The following GAS2 variants were observed in gnomAD, a reference collection of about 807,000 sequenced individuals.
GAS2 encodes the protein growth arrest specific 2.
Under a neutral mutation model 37.5 loss-of-function variants are expected in GAS2, and 20 were observed. The ratio of observed to expected loss-of-function variants is 0.53; its 90% CI spans 0.37 to 0.77. The LOEUF (loss-of-function observed/expected upper bound fraction) is 0.77. Ranked by LOEUF, GAS2 falls within the 30% of genes least tolerant of loss-of-function variation. GAS2 has a pLI of 0.00. For synonymous variants in GAS2, 144 were observed against 132.2 expected (o/e 1.09, Z -0.61); for missense variants, 336 against 373.4 (o/e 0.90, Z 0.82).
intron 4 of GAS2, among the ~76,000 whole-genome samples, chr11:22,732,770 TATCATCATCATCATC>T (rs35919121): frequency 2.1e-5 from 3 of 145,936 alleles, no homozygotes; most frequent in African/African-American, 2.6e-5. Flanking sequence ...CCCCTCCATT[TATCATCATCATCATC>T]ATCATCATCA....
intron 4 of GAS2, chr11:22,731,418 A>G (rs899490508): frequency 4.9e-6 from 2 of 405,680 alleles, no homozygotes; most frequent in Middle Eastern, 3.5e-4. Context: ...GCGGTGTAGC[A>G]TGCAAATGTG....
At chr11:22,634,105 G>A (rs1011709003) in intron 1 of GAS2, among the ~76,000 whole-genome samples, 1 of 152,170 alleles carries the variant, frequency 6.6e-6, no homozygotes, top group African/African-American at 2.4e-5. Context: ...CCACGTGGCT[G>A]GGGAGGCCTC....
At chr11:22,661,696 G>A (rs1178797226), upstream of GAS2, among the ~76,000 whole-genome samples, 1 of 152,096 alleles carries the variant, frequency 6.6e-6, no homozygotes, top group Non-Finnish European at 1.5e-5. Flanking sequence ...GAGGTGTAAC[G>A]GTATAAGATG....
chr11:22,732,344 C>G (rs541343449), intron 4 of GAS2, among the ~76,000 whole-genome samples: 5 of 151,682 alleles, frequency 3.3e-5, no homozygotes, highest in African/African-American at 1.2e-4. Context: ...GAAATTCATT[C>G]AATTCTGTAG....
intron 1 of GAS2, among the ~76,000 whole-genome samples, chr11:22,642,917 G>T (rs1848647508): frequency 6.6e-6 from 1 of 152,130 alleles, no homozygotes; most frequent in Non-Finnish European, 1.5e-5. Context: ...ACCAACATCT[G>T]CGTAGCATTT....
intron 7 of GAS2, among the ~76,000 whole-genome samples, chr11:22,809,632 C>T (rs928007036): frequency 6.6e-5 from 10 of 151,108 alleles, no homozygotes; most frequent in African/African-American, 1.5e-4. Context: ...AGACTACAGG[C>T]GCCTGCCACC....
At chr11:22,771,250 G>C (rs1350593590) in intron 7 of GAS2, among the ~76,000 whole-genome samples, 2 of 152,092 alleles carry the variant, frequency 1.3e-5, no homozygotes, top group Non-Finnish European at 2.9e-5. Context: ...TGTGCTCCAG[G>C]AATGTTGAGC....
intron 7 of GAS2, among the ~76,000 whole-genome samples, chr11:22,765,537 T>G (rs886921971): frequency 8.5e-5 from 13 of 152,158 alleles, no homozygotes; most frequent in African/African-American, 3.1e-4. Flanking sequence ...CCCAGCACTT[T>G]GGGAGGCCAA....
chr11:22,648,084 T>C (rs1426232995), intron 1 of GAS2, among the ~76,000 whole-genome samples: 2 of 152,230 alleles, frequency 1.3e-5, no homozygotes, highest in Admixed American at 1.3e-4. Context: ...TCAATCCATC[T>C]TGAATTGATT....
chr11:22,767,349 AG>A (rs1233087247), intron 7 of GAS2, among the ~76,000 whole-genome samples: 1 of 152,066 alleles, frequency 6.6e-6, no homozygotes, highest in East Asian at 1.9e-4. Context: ...TTCCTTTTGA[AG>A]TTTTTTTTTA....
chr11:22,645,624 ATATTCT>A (rs1291190414), intron 1 of GAS2, among the ~76,000 whole-genome samples: 1 of 152,048 alleles, frequency 6.6e-6, no homozygotes, highest in Non-Finnish European at 1.5e-5. Context: ...GTTCTAAATA[ATATTCT>A]TATTAAAATA....
intron 7 of GAS2, among the ~76,000 whole-genome samples, chr11:22,772,745 G>A (rs566946702): frequency 6.6e-6 from 1 of 152,200 alleles, no homozygotes; most frequent in East Asian, 1.9e-4. Flanking sequence ...GAAGGAGGGA[G>A]GATAATTTGC....
At chr11:22,745,118 CAA>C (rs142582542) in intron 5 of GAS2, among the ~76,000 whole-genome samples, 2 of 129,016 alleles carry the variant, frequency 1.6e-5, no homozygotes, top group Admixed American at 7.9e-5. Context: ...CATTTGGAAC[CAA>C]AAAAAAAAAA....
chr11:22,685,175 A>C (rs932724734), intron 2 of GAS2, among the ~76,000 whole-genome samples: 1 of 152,058 alleles, frequency 6.6e-6, no homozygotes, highest in Admixed American at 6.6e-5. Flanking sequence ...AGAGAGAGAG[A>C]GAGCGAGAGA....
chr11:22,659,588 AT>A (rs1214812418), intron 1 of GAS2, among the ~76,000 whole-genome samples: 1 of 152,156 alleles, frequency 6.6e-6, no homozygotes, highest in Non-Finnish European at 1.5e-5. Context: ...TCTGTGAGGT[AT>A]TTGACTTAAT....
In GAS2 at chr11:22,810,066, C is replaced by T. The variant is rs141900966; in HGVS notation, c.724-1732C>T. Among the ~76,000 whole-genome samples the T allele has an allele frequency of 1.0e-3, 152 of 152,266 alleles. No homozygotes were observed. The East Asian group carries it at 0.018, about 18-fold the overall frequency. ...AGGTCCTGCTGCTCACTGCATAGAACGCCAGTCACTGAAACATTGAGTATT... is the reference window on the plus strand; with the variant it reads ...AGGTCCTGCTGCTCACTGCATAGAATGCCAGTCACTGAAACATTGAGTATT... On this transcript the variant is annotated intron_variant, in intron 7 of 7. Transcript: ENST00000454584.
chr11:22,687,923 A>G (rs895472822), intron 3 of GAS2, among the ~76,000 whole-genome samples: 1 of 152,214 alleles, frequency 6.6e-6, no homozygotes, highest in East Asian at 1.9e-4. Context: ...CTCAGTGTAA[A>G]GAATCCTTGA....
intron 1 of GAS2, among the ~76,000 whole-genome samples, chr11:22,629,765 T>C (rs904454038): frequency 1.3e-5 from 2 of 152,204 alleles, no homozygotes; most frequent in African/African-American, 4.8e-5. Context: ...GAGTTGTCTG[T>C]TTGCTCTGAT....
chr11:22,809,188 CA>C (rs978053967), intron 7 of GAS2, among the ~76,000 whole-genome samples: 2 of 152,180 alleles, frequency 1.3e-5, no homozygotes, highest in African/African-American at 4.8e-5. Context: ...ATCACTAAGA[CA>C]ATGAGTATTG....
Sources: gnomAD v4.1 joint callset for allele counts (sites outside exome capture counted in the v4.1 genomes callset) on GRCh38, gnomAD v4.1.1 for gene constraint, MANE v1.5 for transcripts, NCBI Gene and HGNC (gene_info 2026-07-23, HGNC 2026-07-21) for gene names.